Variants in RFT1 observed in about 807,000 individuals in gnomAD.
The protein encoded by RFT1 is man(5)GlcNAc(2)-PP-dolichol translocation protein RFT1.
A neutral mutation model predicts 62.2 loss-of-function variants in RFT1; 43 were observed. That is an observed-to-expected ratio of 0.69 (90% confidence interval 0.54 to 0.89). The LOEUF (loss-of-function observed/expected upper bound fraction) is 0.89, where lower values mean the gene tolerates loss of function less well. Among genes scored for constraint, RFT1 ranks in the 40% least tolerant of loss-of-function variants. The pLI is 0.00. For missense variants in RFT1, 605 were observed against 649.9 expected, an observed-to-expected ratio of 0.93 and a Z score of 0.75; for synonymous variants, 262 against 264.6, an observed-to-expected ratio of 0.99 and a Z score of 0.10.
intron 11 of RFT1, among the ~76,000 whole-genome samples, chr3:53,098,334 T>C (rs1309458966): frequency 6.6e-6 from 1 of 152,134 alleles, no homozygotes; most frequent in Non-Finnish European, 1.5e-5. Flanking sequence ...GGACTCTAGT[T>C]CTCAGTCACT....
At chr3:53,067,056 A>C in the RFT1 span, among the ~76,000 whole-genome samples, 1 of 152,238 alleles carries the variant, frequency 6.6e-6, no homozygotes, top group South Asian at 2.1e-4. Flanking sequence ...GGCTGGGCGC[A>C]GTGGCTCACG....
chr3:53,122,004 A>G (rs1032718068), intron 4 of RFT1, among the ~76,000 whole-genome samples: 14 of 152,350 alleles, frequency 9.2e-5, no homozygotes, highest in African/African-American at 3.4e-4. Flanking sequence ...TTTAAGATTT[A>G]CATTAAATAT....
the RFT1 span, among the ~76,000 whole-genome samples, chr3:53,076,271 CCCT>C: frequency 1.3e-5 from 2 of 152,196 alleles, no homozygotes; most frequent in South Asian, 4.1e-4. Context: ...TCAATGTCTT[CCCT>C]CTGGGGAAGG....
chr3:53,124,060 T>C (rs1702043762), intron 2 of RFT1, among the ~76,000 whole-genome samples: 1 of 152,126 alleles, frequency 6.6e-6, no homozygotes, highest in African/African-American at 2.4e-5. Flanking sequence ...GTGCCTACAG[T>C]TACGTGAAGG....
intron 11 of RFT1, among the ~76,000 whole-genome samples, chr3:53,098,569 A>G (rs565553619): frequency 4.8e-4 from 73 of 152,190 alleles, no homozygotes; most frequent in East Asian, 2.3e-3. Flanking sequence ...TTGGGAGGCC[A>G]AGGCGGGAGA....
At chr3:53,081,590 C>T in the RFT1 span, among the ~76,000 whole-genome samples, 4 of 152,180 alleles carry the variant, frequency 2.6e-5, no homozygotes, top group Admixed American at 6.5e-5. Flanking sequence ...AACTGAGGCA[C>T]AGAGAGGCAA....
rs113494789 is a variant in RFT1, at chr3:53,091,758, C to G, written c.*145G>C. ...TTCGAATGGTCACAGGTGTCTCATG[C>G]AGTGGCACTCTCTGGTGCCTCATCT... On this transcript the variant is annotated 3_prime_UTR_variant, in exon 13 of 13. Coordinates refer to ENST00000296292, the MANE Select transcript of RFT1 (RefSeq NM_052859.4). The G allele has an allele frequency of 2.4e-6, 2 of 830,900 alleles. No individual in the cohort carries two copies. Among genetic ancestry groups the G allele is most frequent in the African/African-American group, 3.3e-5 (2 of 60,020 alleles). 51.5% of individuals were successfully genotyped at this position (830,900 alleles called of 1,614,324 possible).
At chr3:53,117,746 C>T (rs1701850085) in intron 6 of RFT1, among the ~76,000 whole-genome samples, 1 of 152,204 alleles carries the variant, frequency 6.6e-6, no homozygotes. Flanking sequence ...TAAGGATACC[C>T]ACTTGTGCCA....
chr3:53,072,465 G>A, the RFT1 span, among the ~76,000 whole-genome samples: 1 of 152,134 alleles, frequency 6.6e-6, no homozygotes, highest in African/African-American at 2.4e-5. Flanking sequence ...TCGTAGGTGC[G>A]GTCAGGTGAG....
chr3:53,110,959 C>T (rs988075051), intron 7 of RFT1, among the ~76,000 whole-genome samples: 1 of 152,178 alleles, frequency 6.6e-6, no homozygotes, highest in African/African-American at 2.4e-5. Flanking sequence ...TGGCCCTCCA[C>T]ATTGAGAGCT....
intron 11 of RFT1, among the ~76,000 whole-genome samples, chr3:53,097,582 C>T (rs1424381091): frequency 6.6e-6 from 1 of 152,210 alleles, no homozygotes; most frequent in Non-Finnish European, 1.5e-5. Flanking sequence ...AAGCAACCAG[C>T]CACTATCCAT....
chr3:53,076,650 T>G, the RFT1 span, among the ~76,000 whole-genome samples: 1 of 151,948 alleles, frequency 6.6e-6, no homozygotes, highest in Non-Finnish European at 1.5e-5. Flanking sequence ...TAGTAGGAAA[T>G]CAATGTTCTA....
intron 11 of RFT1, 110 bp downstream of exon 11, chr3:53,099,271 T>C (rs1218622789): frequency 3.5e-6 from 3 of 869,356 alleles, no homozygotes; most frequent in Non-Finnish European, 5.8e-6. Flanking sequence ...GTGTTGCCTC[T>C]AAAACAGCCA....
chr3:53,087,580 G>A (rs1052204737), downstream of RFT1, among the ~76,000 whole-genome samples: 1 of 152,028 alleles, frequency 6.6e-6, no homozygotes, highest in African/African-American at 2.4e-5. Context: ...ATCCAGGTTG[G>A]AGCGCGAACA....
chr3:53,092,201 C>A, intron 12 of RFT1, 131 bp from the exon 13 acceptor site: 10 of 1,383,678 alleles, frequency 7.2e-6, no homozygotes, highest in Non-Finnish European at 1.0e-5. Flanking sequence ...ACTGCAGGTC[C>A]ATTGTTTCCC....
At chr3:53,079,690 G>A in the RFT1 span, among the ~76,000 whole-genome samples, 1 of 152,184 alleles carries the variant, frequency 6.6e-6, no homozygotes, top group Non-Finnish European at 1.5e-5. Context: ...CTGCACACCA[G>A]CCTGGGCAAC....
the RFT1 span, among the ~76,000 whole-genome samples, chr3:53,077,237 T>C: frequency 6.6e-6 from 1 of 152,224 alleles, no homozygotes; most frequent in Admixed American, 6.5e-5. Context: ...CCCAAGATCA[T>C]GGTGTAAAGG....
intron 6 of RFT1, among the ~76,000 whole-genome samples, chr3:53,119,330 T>C (rs1461844554): frequency 1.3e-5 from 2 of 152,210 alleles, no homozygotes; most frequent in East Asian, 3.9e-4. Flanking sequence ...TGGAACACAA[T>C]GGTGGAGCCT....
At chr3:53,124,210 C>T (rs1702048464) in intron 2 of RFT1, among the ~76,000 whole-genome samples, 1 of 152,174 alleles carries the variant, frequency 6.6e-6, no homozygotes. Context: ...TGACCGATGG[C>T]CCCTGTGAGA....
Sources: gnomAD v4.1 joint callset for allele counts (sites outside exome capture counted in the v4.1 genomes callset) on GRCh38, gnomAD v4.1.1 for gene constraint, MANE v1.5 for transcripts, NCBI Gene and HGNC (gene_info 2026-07-23, HGNC 2026-07-21) for gene names.